The following TPRG1 variants were observed in gnomAD, a reference collection of about 807,000 sequenced individuals.
TPRG1 encodes tumor protein p63-regulated gene 1 protein.
TPRG1 carries 29 observed loss-of-function variants against 29.3 expected under a neutral mutation model. The observed-to-expected ratio is 0.99, with a 90% CI of 0.74 to 1.35. The LOEUF (loss-of-function observed/expected upper bound fraction) is 1.35. Ranked by LOEUF, TPRG1 falls within the 40% of genes most tolerant of loss-of-function variation. The pLI, the probability that TPRG1 is intolerant of heterozygous loss-of-function variation, is 0.00. For missense variants in TPRG1, 327 were observed against 335.0 expected (o/e 0.98, Z 0.19); for synonymous variants, 130 against 116.8 (o/e 1.11, Z -0.73).
At chr3:189,197,173 C>G (rs187270833) in intron 1 of TPRG1, among the ~76,000 whole-genome samples, 15 of 152,322 alleles carry the variant, frequency 9.8e-5, no homozygotes, top group African/African-American at 3.4e-4. Context: ...TCAGCAGATT[C>G]AAAATCAGGG....
intron 4 of TPRG1, among the ~76,000 whole-genome samples, chr3:189,075,456 T>C (rs1717106614): frequency 6.6e-6 from 1 of 152,182 alleles, no homozygotes; most frequent in African/African-American, 2.4e-5. Context: ...TTTTTTTGCT[T>C]CATTGGTTGT....
intron 4 of TPRG1, among the ~76,000 whole-genome samples, chr3:189,046,241 A>G (rs1714970948): frequency 6.6e-6 from 1 of 152,228 alleles, no homozygotes. Context: ...GTCAGGGTCC[A>G]GAAATCTGGA....
intron 1 of TPRG1, among the ~76,000 whole-genome samples, chr3:189,102,583 C>T (rs1381066521): frequency 6.6e-6 from 1 of 152,166 alleles, no homozygotes; most frequent in African/African-American, 2.4e-5. Context: ...CCCTTCACGT[C>T]TGAATAATTG....
At chr3:189,122,189 T>G (rs1721907973) in intron 1 of TPRG1, among the ~76,000 whole-genome samples, 1 of 152,186 alleles carries the variant, frequency 6.6e-6, no homozygotes, top group Non-Finnish European at 1.5e-5. Context: ...TCTGAATGTT[T>G]TTAGTCAGCA....
intron 4 of TPRG1, among the ~76,000 whole-genome samples, chr3:189,277,229 T>C (rs1716312455): frequency 6.6e-6 from 1 of 152,186 alleles, no homozygotes; most frequent in Non-Finnish European, 1.5e-5. Flanking sequence ...GAGTGTGTGA[T>C]GGGGGTAAGT....
intron 3 of TPRG1, among the ~76,000 whole-genome samples, chr3:189,022,998 C>T (rs1473401166): frequency 4.9e-5 from 7 of 144,098 alleles, no homozygotes; most frequent in South Asian, 2.1e-4. Context: ...TTCCAGGTGC[C>T]GTCCGTCACC....
intron 4 of TPRG1, among the ~76,000 whole-genome samples, chr3:189,029,655 C>T (rs1713834832): frequency 6.6e-6 from 1 of 152,076 alleles, no homozygotes; most frequent in South Asian, 2.1e-4. Flanking sequence ...TGTTTGTCCA[C>T]CCAAACCTCA....
exon 5 of TPRG1, chr3:189,150,746 A>T (rs1725840915): frequency 6.6e-6 from 1 of 152,196 alleles, no homozygotes; most frequent in African/African-American, 2.4e-5. Context: ...TTCTGGAATC[A>T]TTTTGAATAA....
chr3:189,164,398 G>A (rs1727885159), intron 5 of TPRG1, among the ~76,000 whole-genome samples: 1 of 152,092 alleles, frequency 6.6e-6, no homozygotes, highest in Non-Finnish European at 1.5e-5. Context: ...CTGATCTTAG[G>A]TGATCCACCC....
At chr3:189,194,030 C>T (rs1030331500) in intron 1 of TPRG1, among the ~76,000 whole-genome samples, 3 of 151,168 alleles carry the variant, frequency 2.0e-5, no homozygotes, top group African/African-American at 4.9e-5. Context: ...GGTCAATCAT[C>T]TCTTGCAAAC....
At position 189,054,031 on chromosome 3, in the gene TPRG1, C is replaced by T. The variant is rs371162428; in HGVS notation, c.-463+30085C>T. ...CACAGTTTGGCTGTTTGGGGTAAGACGCTCAGCTTTCAGTCTTTTTTGTTG... is the reference window on the plus strand; with the variant it reads ...CACAGTTTGGCTGTTTGGGGTAAGATGCTCAGCTTTCAGTCTTTTTTGTTG... On this transcript the variant is annotated intron_variant, in intron 4 of 10. Transcript: ENST00000433971. Among the ~76,000 whole-genome samples, 419 of 152,252 alleles carry T rather than the reference C, an allele frequency of 2.8e-3. 2 individuals are homozygous for T. The highest frequency in any genetic ancestry group is 9.1e-3 in the South Asian group (44 of 4,826).
intron 3 of TPRG1, among the ~76,000 whole-genome samples, chr3:189,137,970 TAGAA>T (rs1300042897): frequency 6.6e-6 from 1 of 151,784 alleles, no homozygotes; most frequent in African/African-American, 2.4e-5. Flanking sequence ...TAGACAAAAA[TAGAA>T]AGGAAAAAAG....
intron 4 of TPRG1, among the ~76,000 whole-genome samples, chr3:189,045,696 G>C (rs751799198): frequency 6.6e-6 from 1 of 152,128 alleles, no homozygotes; most frequent in Non-Finnish European, 1.5e-5. Flanking sequence ...ATTTTTCCTT[G>C]ATTGTATATT....
intron 4 of TPRG1, among the ~76,000 whole-genome samples, chr3:189,267,337 T>C (rs1420603893): frequency 6.6e-6 from 1 of 152,236 alleles, no homozygotes; most frequent in Non-Finnish European, 1.5e-5. Flanking sequence ...ATTTCTTTTG[T>C]TAAGTGATGC....
In TPRG1 at chr3:189,270,297, A is replaced by C. The variant is rs1020321942; in HGVS notation, c.479+31388A>C. ...ATTTTGAATTAGATCTCATCCCGGCATTGAACTCCTCATGCCTTTGTAAAT... is the reference window on the plus strand; with the variant it reads ...ATTTTGAATTAGATCTCATCCCGGCCTTGAACTCCTCATGCCTTTGTAAAT... On this transcript the variant is annotated intron_variant, in intron 4 of 5. Transcript: ENST00000345063. 2.0e-5 allele frequency among the ~76,000 whole-genome samples: 3 copies of C among 152,156 alleles called. No homozygotes were observed. The East Asian group carries it at 5.8e-4, about 29-fold the overall frequency.
chr3:189,011,767 T>C (rs1712612782), intron 3 of TPRG1, among the ~76,000 whole-genome samples: 1 of 152,226 alleles, frequency 6.6e-6, no homozygotes, highest in Non-Finnish European at 1.5e-5. Flanking sequence ...TCCATGAGCA[T>C]GGGATGTTTT....
intron 5 of TPRG1, among the ~76,000 whole-genome samples, chr3:189,156,393 GT>G (rs1220532603): frequency 1.3e-5 from 2 of 152,090 alleles, no homozygotes; most frequent in African/African-American, 4.8e-5. Flanking sequence ...AAGCCCCTGT[GT>G]TTGCAGTGAT....
intron 3 of TPRG1, among the ~76,000 whole-genome samples, chr3:189,226,797 C>CAAAA (rs1175619202): frequency 2.4e-5 from 2 of 81,768 alleles, no homozygotes; most frequent in African/African-American, 4.4e-5. Flanking sequence ...GCAAGGCTGA[C>CAAAA]AAAAAAAAAA....
intron 5 of TPRG1, among the ~76,000 whole-genome samples, chr3:189,317,954 C>T (rs1449725178): frequency 2.4e-4 from 36 of 152,064 alleles, no homozygotes; most frequent in Admixed American, 2.4e-3. Flanking sequence ...GGAGCTACTG[C>T]CTCTTCTTAT....
Sources: gnomAD v4.1 joint callset for allele counts (sites outside exome capture counted in the v4.1 genomes callset) on GRCh38, gnomAD v4.1.1 for gene constraint, MANE v1.5 for transcripts, NCBI Gene and HGNC (gene_info 2026-07-23, HGNC 2026-07-21) for gene names.